FHOD3: variants seen among roughly 807,000 people sequenced by gnomAD.
FHOD3 encodes the protein formin homology 2 domain containing 3, also known as FH1/FH2 domain-containing protein 3.
In FHOD3, 90 loss-of-function variants were observed where a neutral mutation model predicts 173.0. The observed-to-expected ratio is 0.52, with a 90% CI of 0.44 to 0.62. The LOEUF is 0.62. Ranked by LOEUF, FHOD3 falls within the 20% of genes least tolerant of loss-of-function variation. FHOD3 has a pLI of 0.00. For synonymous variants in FHOD3, 828 were observed against 823.0 expected (o/e 1.01, Z -0.10); for missense variants, 1,945 against 2,034.7 (o/e 0.96, Z 0.85).
At chr18:36,625,205 G>A (rs577640431) in intron 9 of FHOD3, among the ~76,000 whole-genome samples, 1 of 152,242 alleles carries the variant, frequency 6.6e-6, no homozygotes, top group South Asian at 2.1e-4. Flanking sequence ...GGAAATGCTG[G>A]GGTACAGAGT....
At chr18:36,589,927 AC>A (rs1420555130) in intron 6 of FHOD3, among the ~76,000 whole-genome samples, 2 of 151,440 alleles carry the variant, frequency 1.3e-5, no homozygotes, top group Non-Finnish European at 2.9e-5. Context: ...TTGTAGTGAA[AC>A]CCTTCGTTAC....
intron 3 of FHOD3, among the ~76,000 whole-genome samples, chr18:36,399,190 G>C (rs1239097977): frequency 4.6e-5 from 7 of 152,202 alleles, no homozygotes. Context: ...GGAAGGTGTA[G>C]CTCAGGTGCT....
intron 24 of FHOD3, among the ~76,000 whole-genome samples, chr18:36,749,286 C>G (rs1400983160): frequency 6.6e-6 from 1 of 152,160 alleles, no homozygotes; most frequent in East Asian, 1.9e-4. Context: ...CACCCAGGTA[C>G]TAAGCCCAGT....
intron 1 of FHOD3, among the ~76,000 whole-genome samples, chr18:36,342,224 A>G (rs569302037): frequency 8.5e-5 from 13 of 152,318 alleles, no homozygotes; most frequent in African/African-American, 3.1e-4. Context: ...CATAAGAAGC[A>G]TATGAGTCAT....
In FHOD3 at chr18:36,718,413, C is replaced by A; in HGVS notation, c.3115C>A (p.Pro1039Thr). The stretch of plus-strand genomic sequence containing the variant: ...GGGTTTGCCGCCCCCACCCCCTCCG[C>A]CCCTGTTGGACAGCATTCCTCCCCC... ...FLGLPPPPPPPLLDSIPPPPV... is the reference protein window; with the variant it reads ...FLGLPPPPPPTLLDSIPPPPV... The change falls in exon 19 of 29, where the codon CCC becomes ACC. Residue 1039 changes from proline (P) to threonine (T), a missense_variant. Coordinates refer to ENST00000590592, the MANE Select transcript of FHOD3 (RefSeq NM_001281740.3). The A allele has an allele frequency of 6.3e-7, 1 of 1,593,292 alleles. No homozygotes were observed. Among genetic ancestry groups the A allele is most frequent in the South Asian group, 1.1e-5 (1 of 89,906 alleles).
chr18:36,642,250 A>G (rs765084131), intron 10 of FHOD3, among the ~76,000 whole-genome samples: 3 of 152,210 alleles, frequency 2.0e-5, no homozygotes, highest in African/African-American at 2.4e-5. Flanking sequence ...TTGTTTACCT[A>G]TATAACAGAC....
At chr18:36,674,263 A>G (rs1190706990) in intron 14 of FHOD3, among the ~76,000 whole-genome samples, 1 of 152,250 alleles carries the variant, frequency 6.6e-6, no homozygotes, top group African/African-American at 2.4e-5. Flanking sequence ...CAGTGCAGTG[A>G]CAGCCTCATG....
At chr18:36,363,604 CA>C (rs1442018619) in intron 2 of FHOD3, among the ~76,000 whole-genome samples, 3 of 151,896 alleles carry the variant, frequency 2.0e-5, no homozygotes, top group African/African-American at 4.8e-5. Context: ...GCTATGGAGA[CA>C]GTGAAAAGAT....
intron 2 of FHOD3, among the ~76,000 whole-genome samples, chr18:36,360,651 C>G (rs2046564051): frequency 6.6e-6 from 1 of 152,152 alleles, no homozygotes; most frequent in Non-Finnish European, 1.5e-5. Context: ...TGCTGTTATT[C>G]TTGGACACCT....
chr18:36,561,952 C>G (rs916139394), intron 5 of FHOD3, among the ~76,000 whole-genome samples: 1 of 140,970 alleles, frequency 7.1e-6, no homozygotes, highest in African/African-American at 2.6e-5. Context: ...GTGACTACTA[C>G]TACACTGTGT....
intron 2 of FHOD3, among the ~76,000 whole-genome samples, chr18:36,369,440 A>AACAC (rs59109469): frequency 0.058 from 5,428 of 94,098 alleles, 186 homozygotes; most frequent in East Asian, 0.087. Flanking sequence ...ATTTTATTTA[A>AACAC]ACACACACAC....
chr18:36,391,877 A>G (rs377570136), intron 3 of FHOD3, among the ~76,000 whole-genome samples: 1 of 152,032 alleles, frequency 6.6e-6, no homozygotes, highest in Non-Finnish European at 1.5e-5. Flanking sequence ...CTCCTACTCA[A>G]TTCTTAGGCT....
At chr18:36,380,557 C>CTTTTG (rs2047698961) in intron 3 of FHOD3, among the ~76,000 whole-genome samples, 1 of 68,334 alleles carries the variant, frequency 1.5e-5, no homozygotes, top group African/African-American at 5.1e-5. Flanking sequence ...CTTTTGTTTT[C>CTTTTG]TTTTCTTTTC....
chr18:36,330,545 A>T (rs534329494), intron 1 of FHOD3, among the ~76,000 whole-genome samples: 1 of 152,134 alleles, frequency 6.6e-6, no homozygotes, highest in East Asian at 1.9e-4. Flanking sequence ...CGGAATGGGT[A>T]GCTCCTTGCT....
chr18:36,634,948 T>C (rs2034778139), intron 10 of FHOD3, among the ~76,000 whole-genome samples: 1 of 152,234 alleles, frequency 6.6e-6, no homozygotes, highest in East Asian at 1.9e-4. Context: ...GAGTGGCAAG[T>C]AGCTACTTGG....
At chr18:36,400,231 AT>A (rs1406499277) in intron 3 of FHOD3, among the ~76,000 whole-genome samples, 1 of 152,258 alleles carries the variant, frequency 6.6e-6, no homozygotes, top group East Asian at 1.9e-4. Context: ...TGAATAAATG[AT>A]AATTTTACAT....
chr18:36,524,512 C>T (rs1464083830), intron 5 of FHOD3, among the ~76,000 whole-genome samples: 1 of 152,084 alleles, frequency 6.6e-6, no homozygotes, highest in Non-Finnish European at 1.5e-5. Context: ...ACTCATTGAT[C>T]AAACCAAAGC....
chr18:36,565,917 T>C (rs2058247210), intron 5 of FHOD3, among the ~76,000 whole-genome samples: 1 of 152,178 alleles, frequency 6.6e-6, no homozygotes, highest in South Asian at 2.1e-4. Flanking sequence ...GGCTGGTTTG[T>C]GGTAAAAGTT....
chr18:36,562,846 A>G (rs559942843), intron 5 of FHOD3, among the ~76,000 whole-genome samples: 5 of 152,308 alleles, frequency 3.3e-5, no homozygotes, highest in African/African-American at 1.2e-4. Context: ...AGGTCTACTC[A>G]CATGCCCAGG....
Sources: gnomAD v4.1 joint callset for allele counts (sites outside exome capture counted in the v4.1 genomes callset) on GRCh38, gnomAD v4.1.1 for gene constraint, MANE v1.5 for transcripts, NCBI Gene and HGNC (gene_info 2026-07-23, HGNC 2026-07-21) for gene names.